The following ARHGEF10L variants were observed in gnomAD, a reference collection of about 807,000 sequenced individuals.
The protein encoded by ARHGEF10L is rho guanine nucleotide exchange factor 10-like protein.
A neutral mutation model predicts 141.2 loss-of-function variants in ARHGEF10L; 69 were observed. The ratio of observed to expected loss-of-function variants is 0.49; its 90% CI spans 0.40 to 0.60. The LOEUF is 0.60. ARHGEF10L is among the 20% of genes least tolerant of loss of function. The pLI is 0.00. For missense variants in ARHGEF10L, 1,482 were observed against 1,734.3 expected (o/e 0.85, Z 2.58); for synonymous variants, 711 against 718.5 (o/e 0.99, Z 0.17).
intron 4 of ARHGEF10L, among the ~76,000 whole-genome samples, chr1:17,598,395 C>T (rs1047488536): frequency 4.6e-5 from 7 of 152,320 alleles, no homozygotes; most frequent in African/African-American, 1.7e-4. Flanking sequence ...AGCCACCACA[C>T]TGTGCCTAAG....
chr1:17,556,005 G>A (rs558806411), intron 1 of ARHGEF10L, among the ~76,000 whole-genome samples: 3 of 151,870 alleles, frequency 2.0e-5, no homozygotes, highest in Non-Finnish European at 2.9e-5. Context: ...AGAGGATGGC[G>A]AGGGAGAAGC....
intron 1 of ARHGEF10L, among the ~76,000 whole-genome samples, chr1:17,569,741 G>A (rs113891810): frequency 8.5e-4 from 129 of 152,344 alleles, no homozygotes; most frequent in African/African-American, 2.9e-3. Flanking sequence ...CACCTGCCCC[G>A]TGGGAAAGGC....
chr1:17,600,439 A>C (rs2080537248), intron 4 of ARHGEF10L, among the ~76,000 whole-genome samples: 1 of 152,154 alleles, frequency 6.6e-6, no homozygotes, highest in South Asian at 2.1e-4. Flanking sequence ...AAAAAAATTC[A>C]CGTTAGAATA....
chr1:17,587,442 A>G lies in ARHGEF10L; in HGVS notation c.38-18A>G. The G allele has an allele frequency of 6.2e-7, 1 of 1,606,806 alleles. No individual in the cohort carries two copies. ...CCTCGGAGATCCTGCAGCCTGGCCA[A>G]CTCCTTCTCTCTTCCAGGAGATCAG... On this transcript the variant is annotated intron_variant, in intron 2 of 28. Coordinates refer to ENST00000361221, the MANE Select transcript of ARHGEF10L (RefSeq NM_018125.4).
chr1:17,686,594 C>G (rs12729433), intron 26 of ARHGEF10L, among the ~76,000 whole-genome samples: 32,054 of 151,724 alleles, frequency 0.21, 4,005 homozygotes, highest in African/African-American at 0.35. Flanking sequence ...GAGGACAGTT[C>G]GGGGGGGCAG....
chr1:17,582,420 C>A (rs963462821), intron 2 of ARHGEF10L, among the ~76,000 whole-genome samples: 2 of 152,250 alleles, frequency 1.3e-5, no homozygotes, highest in African/African-American at 4.8e-5. Context: ...TGGGTGAACC[C>A]AGCTCTTTGC....
rs1468606432 is a variant in ARHGEF10L at position 17,639,643 on chromosome 1, C to G, written c.2172-559C>G. ...CCCACCTCCCAAAGGGCTGGGAAGG[C>G]CCCCACTGCTCTGAGGTGAGAGGAC... On this transcript the variant is annotated intron_variant, in intron 20 of 28. Coordinates refer to ENST00000361221, the MANE Select transcript of ARHGEF10L (RefSeq NM_018125.4). The surrounding 1 kb of genome is among the most constrained non-coding windows in gnomAD (Gnocchi z 4.3). 3 of 380,720 alleles carry G rather than the reference C, an allele frequency of 7.9e-6. No homozygotes were observed. The highest frequency in any genetic ancestry group is 1.5e-4 in the East Asian group (2 of 13,566). 23.6% of individuals were successfully genotyped at this position (380,720 alleles called of 1,614,324 possible). A position where few individuals can be genotyped will look rare whatever the true frequency, so the allele number is the denominator to read the frequency against.
chr1:17,532,092 C>T, the ARHGEF10L span, among the ~76,000 whole-genome samples: 2 of 152,208 alleles, frequency 1.3e-5, no homozygotes, highest in Non-Finnish European at 2.9e-5. Flanking sequence ...TGTCCTGGCC[C>T]GCAGTCTCCA....
intron 1 of ARHGEF10L, among the ~76,000 whole-genome samples, chr1:17,550,620 G>T (rs1432660395): frequency 2.0e-5 from 3 of 148,626 alleles, no homozygotes; most frequent in East Asian, 4.0e-4. Context: ...TATAGTGTGG[G>T]CAACGAGAGT....
In ARHGEF10L at chr1:17,588,447, C is replaced by T; in HGVS notation, c.225C>T (p.Asp75=). Residue 75 remains aspartate (D), a splice_region_variant and synonymous_variant, in exon 4 of 29, where the codon GAC becomes GAT. Transcript: ENST00000361221. ...LIHLDSIPVT[D]PDPAAAPPGT... ...TCTCTGTCTGCTCTTCTTTTGCAGA[C>T]CCAGACCCAGCAGCTGCTCCACCCG... The T allele has an allele frequency of 1.9e-6, 3 of 1,613,996 alleles. No individual in the cohort carries two copies. Among genetic ancestry groups the T allele is most frequent in the Non-Finnish European group, 2.5e-6 (3 of 1,179,946 alleles).
chr1:17,560,622 ATGGCGCAATC>A (rs1032016405), intron 1 of ARHGEF10L, among the ~76,000 whole-genome samples: 2 of 152,188 alleles, frequency 1.3e-5, no homozygotes, highest in African/African-American at 4.8e-5. Flanking sequence ...CTGGAGTACA[ATGGCGCAATC>A]TCGGCTCACC....
intron 1 of ARHGEF10L, among the ~76,000 whole-genome samples, chr1:17,549,671 A>G (rs1435519608): frequency 6.6e-6 from 1 of 152,186 alleles, no homozygotes; most frequent in African/African-American, 2.4e-5. Context: ...GGAAGAGGCC[A>G]TGTTAGTTAG....
intron 7 of ARHGEF10L, among the ~76,000 whole-genome samples, chr1:17,611,761 A>G (rs1052716956): frequency 1.3e-5 from 2 of 152,222 alleles, no homozygotes; most frequent in Non-Finnish European, 2.9e-5. Context: ...GCTCAGGTAA[A>G]GAGACTTCTC....
At chr1:17,630,341 CG>C (rs549324790) in intron 15 of ARHGEF10L, among the ~76,000 whole-genome samples, 48 of 152,370 alleles carry the variant, frequency 3.2e-4, no homozygotes, top group African/African-American at 1.1e-3. Flanking sequence ...AAGGGGGCAG[CG>C]CTGACTGCCA....
intron 18 of ARHGEF10L, among the ~76,000 whole-genome samples, chr1:17,637,399 G>T (rs958050774): frequency 1.3e-5 from 2 of 152,210 alleles, no homozygotes; most frequent in African/African-American, 4.8e-5. Context: ...ACTGACTATG[G>T]CCTGGATCTC....
intron 7 of ARHGEF10L, among the ~76,000 whole-genome samples, chr1:17,609,071 C>T (rs2059408040): frequency 6.6e-6 from 1 of 152,234 alleles, no homozygotes; most frequent in Admixed American, 6.5e-5. Flanking sequence ...GTGTGAGCCA[C>T]CATGCCCAGC....
chr1:17,556,793 C>T lies in ARHGEF10L; in HGVS notation c.-44+16843C>T, dbSNP rs573142719. Among the ~76,000 whole-genome samples the T allele has an allele frequency of 5.5e-4, 84 of 152,278 alleles. 1 individual carries two copies. In the Middle Eastern group the frequency reaches 0.01, roughly 19 times the overall value. On this transcript the variant is annotated intron_variant, in intron 1 of 28. Coordinates refer to ENST00000361221, the MANE Select transcript of ARHGEF10L (RefSeq NM_018125.4). ...GCATCTGCATTTAAAAGAAGCCTCC[C>T]GTTCACTCAGGTGACTCTGAAGTCA... is the stretch of plus-strand genomic sequence containing the variant.
chr1:17,670,974 C>G (rs1008026323), intron 26 of ARHGEF10L, among the ~76,000 whole-genome samples: 1 of 152,250 alleles, frequency 6.6e-6, no homozygotes, highest in African/African-American at 2.4e-5. Context: ...GCCGAGTCAT[C>G]CCTACCCCTT....
At chr1:17,550,677 A>G (rs1230154361) in intron 1 of ARHGEF10L, among the ~76,000 whole-genome samples, 12 of 151,740 alleles carry the variant, frequency 7.9e-5, no homozygotes, top group African/African-American at 2.7e-4. Context: ...AAAACCCCAA[A>G]GAAGTCCAAG....
Sources: gnomAD v4.1 joint callset for allele counts (sites outside exome capture counted in the v4.1 genomes callset) on GRCh38, gnomAD v4.1.1 for gene constraint, Gnocchi (gnomAD v3.1) non-coding constraint, MANE v1.5 for transcripts, NCBI Gene and HGNC (gene_info 2026-07-23, HGNC 2026-07-21) for gene names.